Variants in ANKRD28 observed in about 807,000 individuals in gnomAD.
The protein encoded by ANKRD28 is serine/threonine-protein phosphatase 6 regulatory ankyrin repeat subunit A.
Under a neutral mutation model 126.5 loss-of-function variants are expected in ANKRD28, and 44 were observed. The observed-to-expected ratio is 0.35, with a 90% CI of 0.27 to 0.45. ANKRD28 has a LOEUF of 0.45. ANKRD28 is among the 20% of genes least tolerant of loss of function. ANKRD28 has a pLI of 1.00. For synonymous variants in ANKRD28, 442 were observed against 468.5 expected, an observed-to-expected ratio of 0.94 and a Z score of 0.73; for missense variants, 1,110 against 1,316.6, an observed-to-expected ratio of 0.84 and a Z score of 2.43.
At chr3:15,792,606 T>G (rs1196507785) in intron 2 of ANKRD28, among the ~76,000 whole-genome samples, 1 of 152,046 alleles carries the variant, frequency 6.6e-6, no homozygotes, top group East Asian at 1.9e-4. Flanking sequence ...GGATGGTTAA[T>G]GGGTACAAAA....
At chr3:15,791,273 T>G (rs1490852880) in intron 2 of ANKRD28, among the ~76,000 whole-genome samples, 1 of 151,796 alleles carries the variant, frequency 6.6e-6, no homozygotes, top group Non-Finnish European at 1.5e-5. Flanking sequence ...ATACTAAAAT[T>G]TATATGGAAC....
rs764941683 is a variant in ANKRD28 at position 15,670,326 on chromosome 3, C to G, written c.3196G>C (p.Glu1066Gln). The G allele has an allele frequency of 1.9e-6, 3 of 1,613,926 alleles. No individual in the cohort carries two copies. The highest frequency in any genetic ancestry group is 2.5e-6 in the Non-Finnish European group (3 of 1,179,820). The change falls in exon 28 of 28, where the codon GAG (glutamate) becomes CAG (glutamine). Residue 1066 changes from glutamate to glutamine, a missense_variant. Physicochemically the swap from Glu to Gln is conservative, Grantham distance 29 (BLOSUM62 2). Coordinates refer to ENST00000683139, the MANE Select transcript of ANKRD28 (RefSeq NM_001349278.2). ...CSFNNIGGEQEYLYTDVDELN... is the reference protein window; with the variant it reads ...CSFNNIGGEQQYLYTDVDELN... ...TCATCCACGTCAGTGTATAAGTACTCCTGTTCCCCTCCAATGTTATTGAAA... is the reference window on the plus strand; with the variant it reads ...TCATCCACGTCAGTGTATAAGTACTGCTGTTCCCCTCCAATGTTATTGAAA...
Position 15,726,473 on chromosome 3 carries a change from C to G in ANKRD28, c.641-1949G>C, listed in dbSNP as rs2074172642. 3.3e-5 allele frequency among the ~76,000 whole-genome samples: 5 copies of G among 152,202 alleles called. No homozygotes were observed. In the South Asian group the frequency reaches 8.3e-4, roughly 25 times the overall value. ...GCTACAAAATTCGCTTATGCCAAAG[C>G]CTAATCGAGAGCAAGGCCTCAACTT... On this transcript the variant is annotated intron_variant, in intron 6 of 27. Transcript: ENST00000683139.
chr3:15,766,759 T>C (rs1038499458), intron 2 of ANKRD28, among the ~76,000 whole-genome samples: 2 of 151,936 alleles, frequency 1.3e-5, no homozygotes, highest in East Asian at 1.9e-4. Context: ...GACCTTAAAA[T>C]AGTGGTATAA....
intron 1 of ANKRD28, among the ~76,000 whole-genome samples, chr3:15,829,591 A>G (rs1207607933): frequency 6.6e-6 from 1 of 152,156 alleles, no homozygotes; most frequent in African/African-American, 2.4e-5. Flanking sequence ...AGTAATTTGG[A>G]AAATGCTGGT....
chr3:15,695,731 G>C (rs561647636), intron 15 of ANKRD28, among the ~76,000 whole-genome samples: 1 of 152,214 alleles, frequency 6.6e-6, no homozygotes, highest in African/African-American at 2.4e-5. Flanking sequence ...AGTCTCCCTT[G>C]TTAGGAGGGG....
At chr3:15,761,842 T>C (rs2058472196) in intron 3 of ANKRD28, among the ~76,000 whole-genome samples, 1 of 152,082 alleles carries the variant, frequency 6.6e-6, no homozygotes, top group Admixed American at 6.5e-5. Flanking sequence ...ACTGAAGAAA[T>C]ATCCACCAAT....
chr3:15,739,181 C>T (rs1018284745), intron 4 of ANKRD28, among the ~76,000 whole-genome samples: 2 of 152,042 alleles, frequency 1.3e-5, no homozygotes, highest in African/African-American at 4.8e-5. Context: ...ACATCCTCAG[C>T]TTACAAAGAT....
rs553220087 is a variant in ANKRD28 at position 15,796,889 on chromosome 3, A to G, written c.-368T>C. 3.7e-5 allele frequency: 37 copies of G among 987,668 alleles called. 1 individual carries two copies. The South Asian group carries it at 1.7e-3, about 44-fold the overall frequency. The allele number at this position is 987,668 out of a possible 1,614,324, so 61.2% of individuals were successfully genotyped here. A position where few individuals can be genotyped will look rare whatever the true frequency, so the allele number is the denominator to read the frequency against. On this transcript the variant is annotated 5_prime_UTR_variant, in exon 1 of 28. Transcript: ENST00000683139. ...CTCTGAAATTTACTTGCACAAAACA[A>G]TCATTGTTTTTGGTGACACAACACC...
upstream of ANKRD28, among the ~76,000 whole-genome samples, chr3:15,798,618 G>A (rs1403298014): frequency 6.6e-6 from 1 of 151,760 alleles, no homozygotes; most frequent in Non-Finnish European, 1.5e-5. Context: ...AGGGAATAAA[G>A]CCTTAAAAAT....
chr3:15,847,405 C>A (rs1349653789), intron 1 of ANKRD28, among the ~76,000 whole-genome samples: 1 of 152,196 alleles, frequency 6.6e-6, no homozygotes, highest in East Asian at 1.9e-4. Context: ...CCATGATACT[C>A]TGCTGGGCCA....
intron 10 of ANKRD28, 119 bp downstream of exon 10, chr3:15,713,408 G>T: frequency 1.4e-6 from 1 of 716,252 alleles, no homozygotes; most frequent in Non-Finnish European, 2.3e-6. Flanking sequence ...GAAAGTTCAA[G>T]CAATTAATAC....
chr3:15,764,118 G>A (rs1200415184), intron 3 of ANKRD28, among the ~76,000 whole-genome samples: 1 of 152,026 alleles, frequency 6.6e-6, no homozygotes, highest in South Asian at 2.1e-4. Flanking sequence ...CCAGCTACTC[G>A]GGAGGCTGAG....
chr3:15,791,336 GTGGAA>G (rs1357432197), intron 2 of ANKRD28, among the ~76,000 whole-genome samples: 1 of 151,378 alleles, frequency 6.6e-6, no homozygotes, highest in Non-Finnish European at 1.5e-5. Context: ...AACAAAACTG[GTGGAA>G]TCCCATTATC....
intron 2 of ANKRD28, among the ~76,000 whole-genome samples, chr3:15,768,769 G>A (rs778327659): frequency 5.9e-5 from 9 of 152,132 alleles, no homozygotes; most frequent in East Asian, 1.9e-4. Context: ...ATAGTAACAG[G>A]TGTTCCAGTA....
chr3:15,766,747 T>C (rs1385343382), intron 2 of ANKRD28, among the ~76,000 whole-genome samples: 2 of 151,984 alleles, frequency 1.3e-5, no homozygotes, highest in African/African-American at 4.8e-5. Flanking sequence ...AAAAAAATAC[T>C]TGACCTTAAA....
intron 14 of ANKRD28, among the ~76,000 whole-genome samples, chr3:15,705,986 G>A (rs1010815539): frequency 3.3e-5 from 5 of 152,008 alleles, no homozygotes; most frequent in Non-Finnish European, 7.4e-5. Flanking sequence ...GGGCGACAAA[G>A]CAAGATTCCA....
At chr3:15,697,218 A>G (rs894193163) in intron 14 of ANKRD28, 14 of 152,482 alleles carry the variant, frequency 9.2e-5, no homozygotes, top group South Asian at 2.1e-4. Context: ...GTTCTCGCTC[A>G]TAAGTGGGAG....
intron 4 of ANKRD28, among the ~76,000 whole-genome samples, chr3:15,742,496 C>A (rs1435561612): frequency 5.6e-5 from 8 of 142,094 alleles, no homozygotes; most frequent in African/African-American, 2.1e-4. Context: ...AGACCCTCCG[C>A]CTGGCAACCG....
Sources: allele counts gnomAD v4.1 joint callset (sites outside exome capture counted in the v4.1 genomes callset), GRCh38; gene constraint gnomAD v4.1.1; transcripts MANE v1.5; gene names NCBI Gene and HGNC (gene_info 2026-07-23, HGNC 2026-07-21).